Variants in PPP2R5C observed in about 807,000 individuals in gnomAD.
The protein encoded by PPP2R5C is serine/threonine-protein phosphatase 2A 56 kDa regulatory subunit gamma isoform.
A neutral mutation model predicts 68.9 loss-of-function variants in PPP2R5C; 7 were observed. That is an observed-to-expected ratio of 0.10 (90% CI 0.06 to 0.19). PPP2R5C has a LOEUF of 0.19. Among genes scored for constraint, PPP2R5C ranks in the 10% least tolerant of loss-of-function variants. The pLI, the probability that PPP2R5C is intolerant of heterozygous loss-of-function variation, is 1.00. For synonymous variants in PPP2R5C, 210 were observed against 222.2 expected, an observed-to-expected ratio of 0.95 and a Z score of 0.49; for missense variants, 348 against 641.3, an observed-to-expected ratio of 0.54 and a Z score of 4.94.
intron 3 of PPP2R5C, among the ~76,000 whole-genome samples, chr14:101,798,722 A>G (rs2038728591): frequency 6.6e-6 from 1 of 152,230 alleles, no homozygotes; most frequent in Non-Finnish European, 1.5e-5. Context: ...AAGGTATGCT[A>G]GGTGGGCTGG....
chr14:101,816,869 TTTATATATATA>T (rs1347547352), intron 1 of PPP2R5C, among the ~76,000 whole-genome samples: 331 of 140,396 alleles, frequency 2.4e-3, no homozygotes, highest in African/African-American at 4.0e-3. Context: ...TATATATTTA[TTTATATATATA>T]TTATATATAT....
intron 6 of PPP2R5C, among the ~76,000 whole-genome samples, chr14:101,890,890 A>C (rs1162887265): frequency 6.7e-6 from 1 of 148,438 alleles, no homozygotes; most frequent in East Asian, 2.0e-4. Context: ...CTGCTGCCTC[A>C]GCCTCCCGAG....
At chr14:101,761,791 G>A (rs1595092148), upstream of PPP2R5C, 1 of 971,152 alleles carries the variant, frequency 1.0e-6, no homozygotes, top group Non-Finnish European at 1.2e-6. Flanking sequence ...GGGCGGCGGC[G>A]GCGGCGGCGG....
intron 2 of PPP2R5C, among the ~76,000 whole-genome samples, chr14:101,869,527 C>T (rs753099544): frequency 2.0e-5 from 3 of 152,150 alleles, no homozygotes; most frequent in Admixed American, 6.5e-5. Flanking sequence ...GTGGCTGCCC[C>T]GTGTGATTCC....
chr14:101,912,656 C>CAAAAAAA, intron 12 of PPP2R5C, 183 bp downstream of exon 14: 1 of 1,245,558 alleles, frequency 8.0e-7, no homozygotes, highest in Non-Finnish European at 1.0e-6. Flanking sequence ...TTATTTTGCC[C>CAAAAAAA]CATATCGTTT....
In PPP2R5C at chr14:101,870,336, A is replaced by G. The variant is rs145603110; in HGVS notation, c.295-11825A>G. Among the ~76,000 whole-genome samples the G allele has an allele frequency of 6.7e-3, 1,014 of 152,204 alleles. 11 individuals carry two copies. Among genetic ancestry groups the G allele is most frequent in the African/African-American group, 0.024 (979 of 41,526 alleles). ...TTTTCTTCATCGTTTCACATTTTAC[A>G]TGTAGGTCTGTGATCCATTTTGTCT... On this transcript the variant is annotated intron_variant, in intron 2 of 13. Coordinates refer to ENST00000334743, the Ensembl canonical transcript of PPP2R5C.
chr14:101,870,389 C>T (rs1231180772), intron 2 of PPP2R5C, among the ~76,000 whole-genome samples: 6 of 152,112 alleles, frequency 3.9e-5, no homozygotes, highest in Admixed American at 3.9e-4. Flanking sequence ...GTATGGATTT[C>T]CAATTGTTCT....
In PPP2R5C at chr14:101,875,189, G is replaced by A. The variant is rs543808723; in HGVS notation, c.295-6972G>A. Among the ~76,000 whole-genome samples, 7 of 152,268 alleles carry A rather than the reference G, an allele frequency of 4.6e-5. No homozygotes were observed. The East Asian group carries it at 1.2e-3, about 25-fold the overall frequency. ...ATGGCATCTATTTGGAGGTGAAATC[G>A]ATTCTTTGAAAGCAGCTCTTGCTGT... On this transcript the variant is annotated intron_variant, in intron 2 of 13. Transcript: ENST00000334743.
chr14:101,873,189 C>T (rs1166225640), intron 2 of PPP2R5C, among the ~76,000 whole-genome samples: 1 of 152,162 alleles, frequency 6.6e-6, no homozygotes, highest in Non-Finnish European at 1.5e-5. Flanking sequence ...ATACTGTATT[C>T]ATGTCCTTGT....
At chr14:101,905,727 A>C (rs1173732755) in intron 9 of PPP2R5C, among the ~76,000 whole-genome samples, 2 of 150,848 alleles carry the variant, frequency 1.3e-5, no homozygotes, top group African/African-American at 2.4e-5. Flanking sequence ...GCGCCAGTGC[A>C]CTCAGGCCCT....
chr14:101,865,363 T>C (rs976537971), intron 2 of PPP2R5C, among the ~76,000 whole-genome samples: 10 of 152,228 alleles, frequency 6.6e-5, no homozygotes, highest in African/African-American at 2.4e-4. Context: ...CCCTCTATGA[T>C]GACAGAGGAA....
At position 101,924,003 on chromosome 14, in the gene PPP2R5C, T is replaced by C. The variant is rs181855158; in HGVS notation, c.1444-1138T>C. Among the ~76,000 whole-genome samples, 11 of 152,372 alleles carry C rather than the reference T, an allele frequency of 7.2e-5. No individual in the cohort carries two copies. In the East Asian group the frequency reaches 2.1e-3, roughly 29 times the overall value. On this transcript the variant is annotated intron_variant, in intron 13 of 13. Transcript: ENST00000334743. ...AGTAACTTAGTCTTTTTCAATACAC[T>C]GAACAAAAAGGAAGACTTAATTTTG...
chr14:101,760,725 T>A (rs1221211089), upstream of PPP2R5C: 4 of 710,268 alleles, frequency 5.6e-6, no homozygotes, highest in Non-Finnish European at 4.7e-6. Context: ...AAAGCTGAGC[T>A]GGTGAGGGGA....
rs775818748 is a variant in PPP2R5C, at chr14:101,919,969, C to CCAAAAAAAAAAAAAA, written c.1443+2022_1443+2023insCAAAAAAAAAAAAAA. 1.7e-3 allele frequency among the ~76,000 whole-genome samples: 88 copies of CCAAAAAAAAAAAAAA among 52,806 alleles called. 3 individuals carry two copies. Among genetic ancestry groups the CCAAAAAAAAAAAAAA allele is most frequent in the East Asian group, 5.4e-3 (9 of 1,658 alleles). The allele number at this position is 52,806 out of a possible 152,430, so 34.6% of individuals were successfully genotyped here. On this transcript the variant is annotated intron_variant, in intron 13 of 13. Transcript: ENST00000334743. The stretch of plus-strand genomic sequence containing the variant: ...GGGCAAGAAAAGCAAAACTCCGTCT[C>CCAAAAAAAAAAAAAA]AAAAAAAAAAAAAAAAAAAAAAACC...
chr14:101,784,636 G>T (rs1252084343), intron 2 of PPP2R5C, among the ~76,000 whole-genome samples: 1 of 152,198 alleles, frequency 6.6e-6, no homozygotes, highest in East Asian at 1.9e-4. Flanking sequence ...TCCCTCCCTT[G>T]ACTCGTGGGG....
upstream of PPP2R5C, chr14:101,761,871 G>A: frequency 7.1e-6 from 8 of 1,130,234 alleles, no homozygotes; most frequent in Non-Finnish European, 8.7e-6. Flanking sequence ...GGGCGGCGGC[G>A]GCGGCGGCGG....
At chr14:101,923,806 C>G (rs1169312210) in intron 13 of PPP2R5C, among the ~76,000 whole-genome samples, 1 of 118,320 alleles carries the variant, frequency 8.5e-6, no homozygotes, top group Non-Finnish European at 1.7e-5. Context: ...AAAATTTGAA[C>G]TTTACATTCA....
At chr14:101,911,436 C>T (rs950911280) in intron 11 of PPP2R5C, among the ~76,000 whole-genome samples, 10 of 152,192 alleles carry the variant, frequency 6.6e-5, no homozygotes, top group African/African-American at 2.2e-4. Flanking sequence ...CTGCCAGCTG[C>T]ATGGTCTGTT....
chr14:101,798,100 C>T (rs901534611), intron 3 of PPP2R5C, among the ~76,000 whole-genome samples: 1 of 151,672 alleles, frequency 6.6e-6, no homozygotes, highest in Non-Finnish European at 1.5e-5. Flanking sequence ...TTTTTTAGGT[C>T]AGATTCTTAC....
Sources: gnomAD v4.1 joint callset for allele counts (sites outside exome capture counted in the v4.1 genomes callset) on GRCh38, gnomAD v4.1.1 for gene constraint, MANE v1.5 for transcripts, NCBI Gene and HGNC (gene_info 2026-07-23, HGNC 2026-07-21) for gene names.